SLC1A7: variants seen among roughly 807,000 people sequenced by gnomAD.
The protein encoded by SLC1A7 is excitatory amino acid transporter 5.
A neutral mutation model predicts 47.7 loss-of-function variants in SLC1A7; 40 were observed. The observed-to-expected ratio is 0.84, with a 90% CI of 0.65 to 1.09. The LOEUF (loss-of-function observed/expected upper bound fraction) is 1.09, where lower values mean the gene tolerates loss of function less well. Ranked by LOEUF, SLC1A7 falls within the 50% of genes least tolerant of loss-of-function variation. The pLI is 0.00. For missense variants in SLC1A7, 746 were observed against 769.5 expected, an observed-to-expected ratio of 0.97 and a Z score of 0.36; for synonymous variants, 323 against 325.6, an observed-to-expected ratio of 0.99 and a Z score of 0.09.
At chr1:53,106,554 C>T (rs1399239763) in intron 3 of SLC1A7, among the ~76,000 whole-genome samples, 6 of 150,638 alleles carry the variant, frequency 4.0e-5, no homozygotes, top group South Asian at 2.1e-4. Flanking sequence ...GAGCCGAGAT[C>T]GCGCCACTGC....
Position 53,128,124 on chromosome 1 carries a change from C to T in SLC1A7, c.215+6226G>A, listed in dbSNP as rs921057598. Among the ~76,000 whole-genome samples the T allele has an allele frequency of 3.3e-5, 5 of 152,312 alleles. No individual in the cohort carries two copies. The South Asian group carries it at 1.0e-3, about 32-fold the overall frequency. ...AAGGAATGCTGGTGTGAATGGGAAG[C>T]TGATGAAGGCTGCTTGGTTGTAGGA... is the stretch of plus-strand genomic sequence containing the variant. On this transcript the variant is annotated intron_variant, in intron 2 of 10. Coordinates refer to ENST00000371494, the MANE Select transcript of SLC1A7 (RefSeq NM_006671.6).
intron 2 of SLC1A7, among the ~76,000 whole-genome samples, chr1:53,129,922 CGGAGGGG>C (rs1644925693): frequency 3.2e-5 from 3 of 94,620 alleles, no homozygotes; most frequent in African/African-American, 1.2e-4. Flanking sequence ...ACCCTGCCCA[CGGAGGGG>C]GCCATGCCGC....
intron 5 of SLC1A7, among the ~76,000 whole-genome samples, chr1:53,098,564 T>C (rs1644529836): frequency 7.4e-6 from 1 of 134,932 alleles, no homozygotes. Context: ...CACCTCAGCA[T>C]ACTCACACAC....
chr1:53,135,029 G>A (rs1378885844), intron 1 of SLC1A7, among the ~76,000 whole-genome samples: 1 of 152,078 alleles, frequency 6.6e-6, no homozygotes, highest in Non-Finnish European at 1.5e-5. Context: ...GGACTGCTCT[G>A]CCTCACAGGG....
chr1:53,136,611 A>AATATATAAACAT (rs1644999390), intron 1 of SLC1A7, among the ~76,000 whole-genome samples: 1 of 48,322 alleles, frequency 2.1e-5, no homozygotes, highest in African/African-American at 9.6e-5. Flanking sequence ...AAACATATAT[A>AATATATAAACAT]ATATATATAA....
chr1:53,128,141 G>A (rs899976), intron 2 of SLC1A7, among the ~76,000 whole-genome samples: 43,326 of 152,072 alleles, frequency 0.28, 6,638 homozygotes, highest in Middle Eastern at 0.41. Flanking sequence ...AGGCTGCTTG[G>A]TTGTAGGAGT....
At chr1:53,124,511 G>C (rs1402875060) in intron 2 of SLC1A7, among the ~76,000 whole-genome samples, 1 of 152,186 alleles carries the variant, frequency 6.6e-6, no homozygotes, top group Non-Finnish European at 1.5e-5. Context: ...CCAGATGCTG[G>C]TCTGACTTAC....
chr1:53,142,081 T>C (rs1356942496), intron 1 of SLC1A7, among the ~76,000 whole-genome samples: 1 of 152,194 alleles, frequency 6.6e-6, no homozygotes, highest in Non-Finnish European at 1.5e-5. Flanking sequence ...TCTCCTCACC[T>C]GATGGTGCTG....
intron 5 of SLC1A7, among the ~76,000 whole-genome samples, chr1:53,101,985 C>T (rs558737292): frequency 4.6e-5 from 7 of 152,318 alleles, no homozygotes; most frequent in Admixed American, 3.3e-4. Flanking sequence ...CACAGATGCA[C>T]GGACAGTTAC....
At position 53,103,374 on chromosome 1, in the gene SLC1A7, C is replaced by A. The variant is rs1206425484; in HGVS notation, c.669G>T (p.Leu223=). Residue 223 remains leucine (L), a synonymous_variant, in exon 5 of 11, where the codon CTG becomes CTT. Coordinates refer to ENST00000371494, the MANE Select transcript of SLC1A7 (RefSeq NM_006671.6). ...EPGTSDGMNV[L]GIVFFSATMG... ...TGGTGGCAGAGAAGAAGACGATGCC[C>A]AGCACATTCATGCCATCGCTGGTGC... The A allele has an allele frequency of 1.2e-6, 2 of 1,608,254 alleles. No individual in the cohort carries two copies. Among genetic ancestry groups the A allele is most frequent in the Admixed American group, 1.7e-5 (1 of 59,108 alleles).
At position 53,107,153 on chromosome 1, in the gene SLC1A7, TAAAAAAAAAA is replaced by T. The variant is rs11417607; in HGVS notation, c.432-1389_432-1380del. Reference sequence around the variant, plus strand: ...CCTGGGGACAGAGTGAGACTCTGACTAAAAAAAAAAAAAAAAAAAAAAAAAAGGCAAAGAA... The same window carrying T: ...CCTGGGGACAGAGTGAGACTCTGACTAAAAAAAAAAAAAAAAGGCAAAGAA... On this transcript the variant is annotated intron_variant, in intron 3 of 10. Transcript: ENST00000371494. 3.7e-4 allele frequency among the ~76,000 whole-genome samples: 9 copies of T among 24,342 alleles called. 1 individual carries two copies. The East Asian group carries it at 0.013, about 36-fold the overall frequency. 16.0% of individuals were successfully genotyped at this position (24,342 alleles called of 152,430 possible).
chr1:53,094,989 TCA>T (rs1644469258), intron 5 of SLC1A7, among the ~76,000 whole-genome samples: 1 of 152,188 alleles, frequency 6.6e-6, no homozygotes, highest in Non-Finnish European at 1.5e-5. Flanking sequence ...GTGTGCTCAC[TCA>T]CACACGCGGG....
intron 3 of SLC1A7, among the ~76,000 whole-genome samples, chr1:53,109,498 A>G (rs1644680141): frequency 6.6e-6 from 1 of 152,196 alleles, no homozygotes; most frequent in South Asian, 2.1e-4. Context: ...ATCCAGGGAC[A>G]TGGCCTGTTG....
chr1:53,099,563 G>C (rs896112952), intron 5 of SLC1A7, among the ~76,000 whole-genome samples: 2 of 90,914 alleles, frequency 2.2e-5, no homozygotes, highest in African/African-American at 8.0e-5. Context: ...ACTTTGCCTC[G>C]GTACACTGAC....
At chr1:53,097,722 A>G (rs1271380027) in intron 5 of SLC1A7, among the ~76,000 whole-genome samples, 1 of 129,318 alleles carries the variant, frequency 7.7e-6, no homozygotes, top group African/African-American at 3.0e-5. Flanking sequence ...CACCCACACC[A>G]CCTGCCTTGG....
chr1:53,094,633 T>C (rs10888764), intron 5 of SLC1A7, among the ~76,000 whole-genome samples: 152,127 of 152,312 alleles, frequency 1, 75,972 homozygotes, highest in Non-Finnish European at 1. Flanking sequence ...CCAGGGTGGG[T>C]AGGAGAGGCT....
chr1:53,097,084 C>T (rs1233836940), intron 5 of SLC1A7, among the ~76,000 whole-genome samples: 1 of 151,396 alleles, frequency 6.6e-6, no homozygotes, highest in Non-Finnish European at 1.5e-5. Context: ...TCAGTACGCT[C>T]ACACACACTG....
intron 1 of SLC1A7, among the ~76,000 whole-genome samples, chr1:53,137,399 C>T (rs78214130): frequency 0.08 from 12,181 of 151,926 alleles, 593 homozygotes; most frequent in African/African-American, 0.14. Context: ...AGCTGTTTCC[C>T]ATAGTATCAC....
intron 2 of SLC1A7, among the ~76,000 whole-genome samples, chr1:53,119,558 C>T (rs188793057): frequency 6.6e-6 from 1 of 152,154 alleles, no homozygotes; most frequent in East Asian, 1.9e-4. Context: ...CTTGATGATG[C>T]CCAATCTGGT....
Sources: allele counts gnomAD v4.1 joint callset (sites outside exome capture counted in the v4.1 genomes callset), GRCh38; gene constraint gnomAD v4.1.1; transcripts MANE v1.5; gene names NCBI Gene and HGNC (gene_info 2026-07-23, HGNC 2026-07-21).